The following SCHIP1 variants were observed in gnomAD, a reference collection of about 807,000 sequenced individuals.
SCHIP1 encodes schwannomin-interacting protein 1.
SCHIP1 carries 8 observed loss-of-function variants against 29.7 expected under a neutral mutation model. The observed-to-expected ratio is 0.27, with a 90% confidence interval of 0.16 to 0.49. The LOEUF is 0.49. Among genes scored for constraint, SCHIP1 ranks in the 20% least tolerant of loss-of-function variants. The pLI, the probability that SCHIP1 is intolerant of heterozygous loss-of-function variation, is 0.99. For synonymous variants in SCHIP1, 76 were observed against 94.9 expected (o/e 0.80, Z 1.16); for missense variants, 193 against 294.6 (o/e 0.66, Z 2.52).
the SCHIP1 span, among the ~76,000 whole-genome samples, chr3:159,584,221 G>A: frequency 6.6e-6 from 1 of 152,130 alleles, no homozygotes; most frequent in Non-Finnish European, 1.5e-5. Context: ...GGATTTGTTG[G>A]CTCCTTCTTA....
chr3:159,595,554 A>G, the SCHIP1 span, among the ~76,000 whole-genome samples: 93 of 152,278 alleles, frequency 6.1e-4, no homozygotes, highest in Middle Eastern at 0.01. Context: ...CCAAAACACA[A>G]GACAATGGTC....
At chr3:159,397,454 A>G in the SCHIP1 span, among the ~76,000 whole-genome samples, 3 of 151,646 alleles carry the variant, frequency 2.0e-5, no homozygotes, top group Admixed American at 2.0e-4. Context: ...TTGTGGTTTT[A>G]TCTACTTTTG....
At chr3:159,713,284 G>GAAAGAAAGAAAT in the SCHIP1 span, among the ~76,000 whole-genome samples, 1 of 141,952 alleles carries the variant, frequency 7.0e-6, no homozygotes. Context: ...AAGAAAGAAA[G>GAAAGAAAGAAAT]AAAAAAGAAA....
chr3:159,762,924 C>T, the SCHIP1 span, among the ~76,000 whole-genome samples: 1 of 152,180 alleles, frequency 6.6e-6, no homozygotes, highest in South Asian at 2.1e-4. Context: ...CTTTAAGGTC[C>T]CCTTGATTGG....
the SCHIP1 span, among the ~76,000 whole-genome samples, chr3:159,408,678 A>G: frequency 5.3e-3 from 809 of 152,308 alleles, 4 homozygotes; most frequent in Middle Eastern, 0.01. Flanking sequence ...CCAGGACCCA[A>G]TGGCTTCACT....
the SCHIP1 span, among the ~76,000 whole-genome samples, chr3:159,626,639 G>T: frequency 6.6e-6 from 1 of 152,134 alleles, no homozygotes; most frequent in Admixed American, 6.5e-5. Context: ...TTTGCCTGGT[G>T]TAGATAGTAG....
the SCHIP1 span, among the ~76,000 whole-genome samples, chr3:159,788,359 G>A: frequency 6.6e-6 from 1 of 152,218 alleles, no homozygotes; most frequent in Non-Finnish European, 1.5e-5. Context: ...AGTGCCAAAT[G>A]CAGTCACTGC....
the SCHIP1 span, among the ~76,000 whole-genome samples, chr3:159,704,408 A>C: frequency 7.9e-6 from 1 of 126,206 alleles, no homozygotes; most frequent in Non-Finnish European, 1.6e-5. Context: ...GCGCTCCAGC[A>C]ATTTTTTCTA....
the SCHIP1 span, among the ~76,000 whole-genome samples, chr3:159,796,035 A>C: frequency 6.6e-6 from 1 of 152,232 alleles, no homozygotes; most frequent in African/African-American, 2.4e-5. Context: ...TGTAAGAACT[A>C]AGATTAGGTG....
chr3:159,299,984 A>G, the SCHIP1 span, among the ~76,000 whole-genome samples: 2 of 152,018 alleles, frequency 1.3e-5, no homozygotes, highest in African/African-American at 4.8e-5. Context: ...TTGGGGAGGT[A>G]GAGGTTAGAA....
chr3:159,548,136 A>G, the SCHIP1 span, among the ~76,000 whole-genome samples: 44 of 152,084 alleles, frequency 2.9e-4, 1 homozygote, highest in African/African-American at 9.9e-4. Context: ...CAGAAATTAC[A>G]TTTTTTTGTT....
chr3:159,377,819 A>G, the SCHIP1 span, among the ~76,000 whole-genome samples: 4 of 152,316 alleles, frequency 2.6e-5, no homozygotes, highest in African/African-American at 9.6e-5. Flanking sequence ...ATAAACCAAA[A>G]GAAGGGGTGC....
the SCHIP1 span, among the ~76,000 whole-genome samples, chr3:159,563,473 T>A: frequency 6.6e-6 from 1 of 152,136 alleles, no homozygotes; most frequent in Non-Finnish European, 1.5e-5. Flanking sequence ...ATATGTTTTA[T>A]AAATTTATGT....
the SCHIP1 span, among the ~76,000 whole-genome samples, chr3:159,711,787 G>A: frequency 6.6e-6 from 1 of 152,224 alleles, no homozygotes; most frequent in Non-Finnish European, 1.5e-5. Context: ...TGCTTACTAT[G>A]TGTTGAGGCC....
chr3:159,273,739 GACCCT>G, the SCHIP1 span: 12 of 1,574,402 alleles, frequency 7.6e-6, no homozygotes, highest in South Asian at 1.0e-4. Context: ...TAACCCAGGT[GACCCT>G]TTACGGATTT....
chr3:159,384,906 T>C, the SCHIP1 span, among the ~76,000 whole-genome samples: 1 of 152,200 alleles, frequency 6.6e-6, no homozygotes, highest in African/African-American at 2.4e-5. Context: ...TAGAGGTGTT[T>C]GTAATATTCT....
the SCHIP1 span, among the ~76,000 whole-genome samples, chr3:159,301,153 C>T: frequency 6.6e-6 from 1 of 152,080 alleles, no homozygotes; most frequent in Admixed American, 6.6e-5. Context: ...ATAATTAACA[C>T]ACTTAAGCCT....
the SCHIP1 span, among the ~76,000 whole-genome samples, chr3:159,703,100 A>C: frequency 6.6e-6 from 1 of 152,240 alleles, no homozygotes; most frequent in Non-Finnish European, 1.5e-5. Context: ...CTGAATTCAT[A>C]GCATTGATCT....
At chr3:159,383,398 G>A in the SCHIP1 span, among the ~76,000 whole-genome samples, 2 of 151,170 alleles carry the variant, frequency 1.3e-5, no homozygotes, top group Admixed American at 1.3e-4. Context: ...TCTCAGGTTT[G>A]TCAAAGATCA....
Sources: allele counts gnomAD v4.1 joint callset (sites outside exome capture counted in the v4.1 genomes callset), GRCh38; gene constraint gnomAD v4.1.1; transcripts MANE v1.5; gene names NCBI Gene and HGNC (gene_info 2026-07-23, HGNC 2026-07-21).